The following SYTL2 variants were observed in gnomAD, a reference collection of about 807,000 sequenced individuals.
The protein encoded by SYTL2 is synaptotagmin like 2, also known as synaptotagmin-like protein 2.
A neutral mutation model predicts 198.7 loss-of-function variants in SYTL2; 165 were observed. The ratio of observed to expected loss-of-function variants is 0.83; its 90% CI spans 0.73 to 0.94. SYTL2 has a LOEUF of 0.94. Ranked by LOEUF, SYTL2 falls within the 40% of genes least tolerant of loss-of-function variation. The pLI, the probability that SYTL2 is intolerant of heterozygous loss-of-function variation, is 0.00. For synonymous variants in SYTL2, 966 were observed against 917.7 expected (o/e 1.05, Z -0.95); for missense variants, 2,835 against 2,582.8 (o/e 1.10, Z -2.12).
the SYTL2 span, among the ~76,000 whole-genome samples, chr11:85,835,444 G>C: frequency 6.6e-6 from 1 of 152,086 alleles, no homozygotes; most frequent in Non-Finnish European, 1.5e-5. Flanking sequence ...GTTGAGCCAG[G>C]TAGTATACTA....
Position 85,704,637 on chromosome 11 carries a change from C to T in SYTL2, c.6189+221G>A, listed in dbSNP as rs112450786. On this transcript the variant is annotated intron_variant, in intron 16 of 19. Coordinates refer to ENST00000359152, the MANE Select transcript of SYTL2 (RefSeq NM_206927.4). ...AAAGTCAGTATCAAATTTCAAAGGA[C>T]TGAATTATTTAAAAGACCTTCCTGA... is the stretch of plus-strand genomic sequence containing the variant. Among the ~76,000 whole-genome samples the T allele has an allele frequency of 1.2e-3, 177 of 152,230 alleles. 1 individual carries two copies. The highest frequency in any genetic ancestry group is 3.7e-3 in the African/African-American group (152 of 41,562).
At chr11:85,737,913 G>A (rs1286072820) in intron 4 of SYTL2, among the ~76,000 whole-genome samples, 1 of 152,164 alleles carries the variant, frequency 6.6e-6, no homozygotes, top group African/African-American at 2.4e-5. Context: ...TGATTGAGAA[G>A]GGCAAAAGAG....
intron 2 of SYTL2, among the ~76,000 whole-genome samples, chr11:85,753,102 G>A (rs1322765083): frequency 3.9e-5 from 6 of 152,020 alleles, no homozygotes; most frequent in Non-Finnish European, 1.5e-5. Context: ...AGACAGACAT[G>A]AGCAGCAATT....
rs1279700388 is a variant in SYTL2 at position 85,704,951 on chromosome 11, A to G, written c.6096T>C (p.Asn2032=). The change falls in exon 16 of 20, where the codon AAT becomes AAC. Residue 2032 remains asparagine (N), a synonymous_variant. Transcript: ENST00000359152. ...CAAGTTCCACCTCCCCTAGGAAACT[A>G]TTGCGCTTAAATGTATCCCGATGCC... ...SIWHRDTFKR[N]SFLGEVELDL... 2 of 1,613,614 alleles carry G rather than the reference A, an allele frequency of 1.2e-6. No homozygotes were observed. Among genetic ancestry groups the G allele is most frequent in the African/African-American group, 2.7e-5 (2 of 74,920 alleles).
rs1162829184 is a variant in SYTL2, at chr11:85,720,847, T to C, written c.5428+11A>G. ...ATGGGGCATGAACAGTGAGGCGAAC[T>C]TTATTCTCACTTGATGAATCTGATG... On this transcript the variant is annotated intron_variant, in intron 9 of 19. Coordinates refer to ENST00000359152, the MANE Select transcript of SYTL2 (RefSeq NM_206927.4). The C allele has an allele frequency of 6.3e-7, 1 of 1,597,212 alleles. No individual in the cohort carries two copies. Among genetic ancestry groups the C allele is most frequent in the African/African-American group, 1.3e-5 (1 of 74,582 alleles).
intron 14 of SYTL2, among the ~76,000 whole-genome samples, chr11:85,707,800 G>A (rs2085442021): frequency 6.6e-6 from 1 of 151,678 alleles, no homozygotes; most frequent in Non-Finnish European, 1.5e-5. Flanking sequence ...ATATGCAGGG[G>A]TGGAAAGGGG....
chr11:85,757,542 T>G, intron 2 of SYTL2, 83 bp downstream of exon 2: 1 of 1,475,626 alleles, frequency 6.8e-7, no homozygotes, highest in East Asian at 2.3e-5. Context: ...CTACCACTTA[T>G]AGTTGAAAAA....
chr11:85,732,413 C>CA (rs534426360), intron 7 of SYTL2, among the ~76,000 whole-genome samples: 20 of 151,934 alleles, frequency 1.3e-4, no homozygotes, highest in Non-Finnish European at 2.1e-4. Flanking sequence ...TATGCCACCA[C>CA]AAAAAAGGAT....
chr11:85,807,829 C>A (rs372743586), intron 1 of SYTL2, among the ~76,000 whole-genome samples: 2 of 152,144 alleles, frequency 1.3e-5, no homozygotes, highest in African/African-American at 4.8e-5. Context: ...GGGTGAACTT[C>A]GGGGCTCACA....
intron 1 of SYTL2, among the ~76,000 whole-genome samples, chr11:85,773,667 G>T (rs1183723664): frequency 6.6e-6 from 1 of 152,104 alleles, no homozygotes; most frequent in African/African-American, 2.4e-5. Flanking sequence ...CTCCATGTTT[G>T]GTGATATTGT....
At position 85,725,993 on chromosome 11, in the gene SYTL2, T is replaced by A; in HGVS notation, c.3365A>T (p.Asn1122Ile). The change falls in exon 8 of 20, where the codon AAT becomes ATT. Residue 1122 changes from asparagine to isoleucine, a missense_variant. Asn to Ile is a moderately radical substitution (Grantham distance 149). Coordinates refer to ENST00000359152, the MANE Select transcript of SYTL2 (RefSeq NM_206927.4). ...QEIQESIIKT[N>I]VLSKDCKDTF... Reference sequence around the variant, plus strand: ...GTCTTTGCAGTCTTTAGACAAAACATTGGTTTTTATTATGGATTCTTGAAT... The same window carrying A: ...GTCTTTGCAGTCTTTAGACAAAACAATGGTTTTTATTATGGATTCTTGAAT... The A allele has an allele frequency of 6.2e-7, 1 of 1,613,844 alleles. No homozygotes were observed. The highest frequency in any genetic ancestry group is 8.5e-7 in the Non-Finnish European group (1 of 1,179,942).
In SYTL2 at chr11:85,727,713, CTTT is replaced by C; in HGVS notation, c.1642_1644del (p.Lys548del). 1 of 1,547,552 alleles carries C rather than the reference CTTT, an allele frequency of 6.5e-7. No individual in the cohort carries two copies. The highest frequency in any genetic ancestry group is 1.2e-5 in the South Asian group (1 of 84,052). ...ACCTGTGATTTTGAGTCTGTTTTTT[CTTT>C]GGACTCTATTCCTCGGGGATGTTGG... is the stretch of plus-strand genomic sequence containing the variant. On this transcript the variant is annotated inframe_deletion, in exon 8 of 20. Coordinates refer to ENST00000359152, the MANE Select transcript of SYTL2 (RefSeq NM_206927.4).
chr11:85,833,067 GAAAGAAAGAAAGAAAGAAA>G, the SYTL2 span, among the ~76,000 whole-genome samples: 1 of 42,302 alleles, frequency 2.4e-5, no homozygotes, highest in Non-Finnish European at 5.1e-5. Flanking sequence ...AAGAAAGAAA[GAAAGAAAGAAAGAAAGAAA>G]GAAAGAAAGA....
chr11:85,709,423 A>T lies in SYTL2; in HGVS notation c.5823T>A (p.Ile1941=), dbSNP rs1486488112. ...LEVKGNIQFA[I]EYVESLKELH... ...ACTCCTTCAGTGACTCCACATATTC[A>T]ATTGCAAACTGAATATTTCCTTTAA... Residue 1941 remains isoleucine (I), a synonymous_variant, in exon 14 of 20, where the codon ATT becomes ATA. Transcript: ENST00000359152. 6.2e-7 allele frequency: 1 copy of T among 1,614,118 alleles called. No individual in the cohort carries two copies. Among genetic ancestry groups the T allele is most frequent in the Admixed American group, 1.7e-5 (1 of 60,014 alleles).
chr11:85,828,035 C>G, the SYTL2 span, among the ~76,000 whole-genome samples: 1 of 152,256 alleles, frequency 6.6e-6, no homozygotes, highest in South Asian at 2.1e-4. Context: ...GGTCTTCAAC[C>G]TCACTACTAG....
intron 2 of SYTL2, among the ~76,000 whole-genome samples, chr11:85,755,692 C>T (rs1404371697): frequency 2.0e-5 from 3 of 152,152 alleles, no homozygotes; most frequent in Non-Finnish European, 4.4e-5. Flanking sequence ...CCAAGAAACA[C>T]CTTCACTCTA....
At chr11:85,710,932 G>A (rs1046246602) in intron 13 of SYTL2, among the ~76,000 whole-genome samples, 181 bp downstream of exon 13, 3 of 151,946 alleles carry the variant, frequency 2.0e-5, no homozygotes, top group African/African-American at 7.3e-5. Context: ...TGATGGATAT[G>A]AACCCCGTTA....
At chr11:85,837,406 T>G in the SYTL2 span, among the ~76,000 whole-genome samples, 19 of 152,192 alleles carry the variant, frequency 1.2e-4, no homozygotes, top group Non-Finnish European at 5.9e-5. Context: ...GGCAGCCATC[T>G]GTAAGTCAGG....
intron 10 of SYTL2, 86 bp from the exon 11 acceptor site, chr11:85,717,616 C>G: frequency 1.8e-6 from 2 of 1,098,930 alleles, no homozygotes; most frequent in Non-Finnish European, 2.8e-6. Flanking sequence ...ATGTCAGTTT[C>G]ACAACTGAGA....
Sources: allele counts gnomAD v4.1 joint callset (sites outside exome capture counted in the v4.1 genomes callset), GRCh38; gene constraint gnomAD v4.1.1; transcripts MANE v1.5; gene names NCBI Gene and HGNC (gene_info 2026-07-23, HGNC 2026-07-21).